Variants in RNMT observed in about 807,000 individuals in gnomAD.
RNMT encodes the protein mRNA cap guanine-N(7) methyltransferase.
A neutral mutation model predicts 56.0 loss-of-function variants in RNMT; 27 were observed. The observed-to-expected ratio is 0.48, with a 90% CI of 0.36 to 0.67. The LOEUF is 0.67. Among genes scored for constraint, RNMT ranks in the 30% least tolerant of loss-of-function variants. RNMT has a pLI of 0.00. For synonymous variants in RNMT, 184 were observed against 176.2 expected, an observed-to-expected ratio of 1.04 and a Z score of -0.35; for missense variants, 519 against 552.1, an observed-to-expected ratio of 0.94 and a Z score of 0.60.
chr18:13,733,079 C>G (rs1464063268), intron 3 of RNMT, among the ~76,000 whole-genome samples: 1 of 151,912 alleles, frequency 6.6e-6, no homozygotes, highest in African/African-American at 2.4e-5. Flanking sequence ...GTATTTTAAA[C>G]ATAGTTTTCA....
At position 13,742,522 on chromosome 18, in the gene RNMT, GGAAAT is replaced by G. The variant is rs762806620; in HGVS notation, c.1015_1019del (p.Glu339IlefsTer19). 4 of 1,612,032 alleles carry G rather than the reference GGAAAT, an allele frequency of 2.5e-6. No individual in the cohort carries two copies. The highest frequency in any genetic ancestry group is 3.4e-6 in the Non-Finnish European group (4 of 1,179,412). On this transcript the variant is annotated frameshift_variant, in exon 8 of 12. Transcript: ENST00000383314. LOFTEE classifies it high-confidence loss of function. ...TGAAGCTTCAGAAACAGAATCATTT[GGAAAT>G]GAAATATATACTGTGAAATTTCAGA...
rs1420301209 is a variant in RNMT, at chr18:13,763,943, T to C, written c.*3964T>C. The C allele has an allele frequency of 6.6e-6, 1 of 152,224 alleles. No individual in the cohort carries two copies. Among genetic ancestry groups the C allele is most frequent in the African/African-American group, 2.4e-5 (1 of 41,426 alleles). The allele number at this position is 152,224 out of a possible 1,614,324, so 9.4% of individuals were successfully genotyped here. A position where few individuals can be genotyped will look rare whatever the true frequency, so the allele number is the denominator to read the frequency against. ...AAGGGGCTTTGTTGAAAGAGGGGGT[T>C]AGAGAGAGCAAGACAGCACTTGAGT... On this transcript the variant is annotated 3_prime_UTR_variant, in exon 12 of 12. Coordinates refer to ENST00000383314, the MANE Select transcript of RNMT (RefSeq NM_003799.3).
intron 4 of RNMT, among the ~76,000 whole-genome samples, chr18:13,736,161 C>T (rs2044154856): frequency 6.6e-6 from 1 of 152,084 alleles, no homozygotes; most frequent in South Asian, 2.1e-4. Flanking sequence ...TATTATGGAA[C>T]ATTTGTGCTT....
At chr18:13,732,012 G>C in intron 3 of RNMT, 78 bp downstream of exon 3, 2 of 1,152,166 alleles carry the variant, frequency 1.7e-6, no homozygotes, top group Non-Finnish European at 1.2e-6. Flanking sequence ...ATTCATACTG[G>C]TTTTTACATA....
At position 13,743,329 on chromosome 18, in the gene RNMT, A is replaced by AT. The variant is rs370522604; in HGVS notation, c.1139+677_1139+678insT. Among the ~76,000 whole-genome samples, 194 of 31,828 alleles carry AT rather than the reference A, an allele frequency of 6.1e-3. 1 individual carries two copies. The highest frequency in any genetic ancestry group is 0.012 in the Middle Eastern group (1 of 84). 20.9% of individuals were successfully genotyped at this position (31,828 alleles called of 152,430 possible). Reference sequence around the variant, plus strand: ...CAGAGCGAAACTCCGTCTCAAAAAAAAAATAAATAAATAAATAAATAAATA... The same window carrying AT: ...CAGAGCGAAACTCCGTCTCAAAAAAATAAATAAATAAATAAATAAATAAATA... On this transcript the variant is annotated intron_variant, in intron 8 of 11. Transcript: ENST00000383314.
chr18:13,752,450 AT>A (rs747253555), intron 10 of RNMT, 23 bp downstream of exon 10: 2 of 1,400,284 alleles, frequency 1.4e-6, no homozygotes, highest in South Asian at 2.3e-5. Flanking sequence ...TTATGAAAGT[AT>A]TTTATAGAGA....
chr18:13,735,501 T>TTC, intron 4 of RNMT, among the ~76,000 whole-genome samples: 1 of 2,248 alleles, frequency 4.4e-4, no homozygotes, highest in East Asian at 0.12. Flanking sequence ...GAGTGTTCAC[T>TTC]TTTTTTTTTT....
intron 8 of RNMT, chr18:13,743,213 C>T (rs11663216): frequency 1.8e-3 from 267 of 151,496 alleles, no homozygotes; most frequent in Admixed American, 3.8e-3. Context: ...GTCCCAGCTA[C>T]TCGGGAGGCT....
At chr18:13,754,191 C>T (rs1379373140) in intron 11 of RNMT, 44 bp downstream of exon 11, 2 of 1,358,428 alleles carry the variant, frequency 1.5e-6, no homozygotes, top group Admixed American at 1.8e-5. Flanking sequence ...TTTCAAAAGT[C>T]CTGTTTCAAA....
At chr18:13,738,850 G>C (rs1031950392) in intron 5 of RNMT, among the ~76,000 whole-genome samples, 1 of 152,046 alleles carries the variant, frequency 6.6e-6, no homozygotes, top group Admixed American at 6.6e-5. Flanking sequence ...AACCTTTTTG[G>C]CACCAGGGGC....
intron 9 of RNMT, 134 bp downstream of exon 9, chr18:13,746,471 A>T: frequency 1.5e-6 from 1 of 671,256 alleles, no homozygotes; most frequent in Non-Finnish European, 2.7e-6. Flanking sequence ...ACGGAGCTTG[A>T]TACAGAAACT....
intron 6 of RNMT, among the ~76,000 whole-genome samples, chr18:13,740,575 G>A (rs558505240): frequency 6.6e-6 from 1 of 152,210 alleles, no homozygotes; most frequent in South Asian, 2.1e-4. Context: ...ATGGGGTTTT[G>A]CCATGTTGCC....
intron 11 of RNMT, among the ~76,000 whole-genome samples, chr18:13,759,709 C>T (rs2044596234): frequency 6.6e-6 from 1 of 152,072 alleles, no homozygotes; most frequent in Non-Finnish European, 1.5e-5. Context: ...CCATGGGCTG[C>T]AATATCACTG....
At position 13,732,074 on chromosome 18, in the gene RNMT, G is replaced by A. The variant is rs150534153; in HGVS notation, c.417+140G>A. 71 of 566,274 alleles carry A rather than the reference G, an allele frequency of 1.3e-4. 1 individual carries two copies. In the East Asian group the frequency reaches 2.1e-3, roughly 17 times the overall value. 35.1% of individuals were successfully genotyped at this position (566,274 alleles called of 1,614,324 possible). A position where few individuals can be genotyped will look rare whatever the true frequency, so the allele number is the denominator to read the frequency against. On this transcript the variant is annotated intron_variant, in intron 3 of 11. Coordinates refer to ENST00000383314, the MANE Select transcript of RNMT (RefSeq NM_003799.3). ...TAGATATGGTCCTAAGACAAAGTAG[G>A]CTTTTAACTCTTATGATTTCTGTTA... is the stretch of plus-strand genomic sequence containing the variant.
intron 11 of RNMT, among the ~76,000 whole-genome samples, chr18:13,755,985 A>C (rs2044536261): frequency 6.6e-6 from 1 of 152,214 alleles, no homozygotes; most frequent in African/African-American, 2.4e-5. Context: ...CCTCGGGTGT[A>C]GCACCCCAGG....
chr18:13,738,888 A>G (rs2044208325), intron 5 of RNMT, among the ~76,000 whole-genome samples: 1 of 152,192 alleles, frequency 6.6e-6, no homozygotes, highest in African/African-American at 2.4e-5. Context: ...GTTTTTCCAC[A>G]GAAGCGGGGG....
chr18:13,734,442 T>G (rs1002520938), intron 3 of RNMT, 22 bp from the exon 4 acceptor site: 5 of 1,586,960 alleles, frequency 3.2e-6, no homozygotes, highest in Non-Finnish European at 3.4e-6. Flanking sequence ...CTTGATTTTT[T>G]TCTATTCTCT....
At chr18:13,743,872 G>GT (rs1325023559) in intron 8 of RNMT, among the ~76,000 whole-genome samples, 1 of 151,808 alleles carries the variant, frequency 6.6e-6, no homozygotes, top group Non-Finnish European at 1.5e-5. Flanking sequence ...AAGTAGCATT[G>GT]TGACTGAACA....
At position 13,763,861 on chromosome 18, in the gene RNMT, G is replaced by A. The variant is rs1447400897; in HGVS notation, c.*3882G>A. Reference sequence around the variant, plus strand: ...TAACTATTAGAGCTCCATTCTTTTGGTTCAAAACGTTGATACTTACTTAGA... The same window carrying A: ...TAACTATTAGAGCTCCATTCTTTTGATTCAAAACGTTGATACTTACTTAGA... On this transcript the variant is annotated 3_prime_UTR_variant, in exon 12 of 12. Transcript: ENST00000383314. 1 of 152,308 alleles carries A rather than the reference G, an allele frequency of 6.6e-6. No individual in the cohort carries two copies. The highest frequency in any genetic ancestry group is 1.5e-5 in the Non-Finnish European group (1 of 68,136). 9.4% of individuals were successfully genotyped at this position (152,308 alleles called of 1,614,324 possible). A position where few individuals can be genotyped will look rare whatever the true frequency, so the allele number is the denominator to read the frequency against.
Sources: gnomAD v4.1 joint callset for allele counts (sites outside exome capture counted in the v4.1 genomes callset) on GRCh38, gnomAD v4.1.1 for gene constraint, MANE v1.5 for transcripts, NCBI Gene and HGNC (gene_info 2026-07-23, HGNC 2026-07-21) for gene names.